WDR25: variants seen among roughly 807,000 people sequenced by gnomAD.
WDR25 encodes the protein WD repeat domain 25, also known as WD repeat-containing protein 25.
Under a neutral mutation model 47.7 loss-of-function variants are expected in WDR25, and 35 were observed. That is an observed-to-expected ratio of 0.73 (90% CI 0.56 to 0.97). The LOEUF is 0.97. WDR25 is among the 50% of genes least tolerant of loss of function. The pLI, the probability that WDR25 is intolerant of heterozygous loss-of-function variation, is 0.00. For synonymous variants in WDR25, 248 were observed against 278.9 expected (o/e 0.89, Z 1.10); for missense variants, 634 against 704.7 (o/e 0.90, Z 1.14).
chr14:100,408,077 G>A (rs1369758373), intron 2 of WDR25, among the ~76,000 whole-genome samples: 7 of 152,120 alleles, frequency 4.6e-5, no homozygotes, highest in Non-Finnish European at 2.9e-5. Flanking sequence ...TAGTCGTGGG[G>A]GCTTGGGGAC....
intron 2 of WDR25, among the ~76,000 whole-genome samples, chr14:100,417,918 T>A (rs1897915002): frequency 6.6e-6 from 1 of 151,956 alleles, no homozygotes; most frequent in African/African-American, 2.4e-5. Context: ...TAGGTTCTCA[T>A]GAAGGTTGTT....
chr14:100,393,467 C>G (rs1420331470), intron 2 of WDR25, among the ~76,000 whole-genome samples: 1 of 152,150 alleles, frequency 6.6e-6, no homozygotes, highest in African/African-American at 2.4e-5. Context: ...CCTGGGTGTC[C>G]TGCTGTGTTG....
At chr14:100,461,166 T>C (rs1021154334) in intron 2 of WDR25, among the ~76,000 whole-genome samples, 2 of 152,108 alleles carry the variant, frequency 1.3e-5, no homozygotes, top group Non-Finnish European at 2.9e-5. Flanking sequence ...CAGTGAACTG[T>C]GATCGCACCA....
At chr14:100,434,443 G>C (rs1195840680) in intron 2 of WDR25, among the ~76,000 whole-genome samples, 2 of 152,220 alleles carry the variant, frequency 1.3e-5, no homozygotes, top group African/African-American at 4.8e-5. Context: ...AAGAGGTCTA[G>C]TGATCAGAAT....
chr14:100,390,680 A>G (rs1027342142), intron 2 of WDR25, among the ~76,000 whole-genome samples: 2 of 152,084 alleles, frequency 1.3e-5, no homozygotes, highest in African/African-American at 2.4e-5. Flanking sequence ...TGCACTCTCC[A>G]TCCTGTCCTC....
At chr14:100,456,786 G>A (rs566347955) in intron 2 of WDR25, among the ~76,000 whole-genome samples, 2 of 152,246 alleles carry the variant, frequency 1.3e-5, no homozygotes, top group East Asian at 1.9e-4. Context: ...TGAAAGTGGA[G>A]TCCTCAAAGA....
intron 2 of WDR25, among the ~76,000 whole-genome samples, chr14:100,433,967 T>G (rs980286745): frequency 1.3e-5 from 2 of 151,908 alleles, no homozygotes. Context: ...GGCTCATGCC[T>G]GTAATCCCAG....
rs1466060536 is a variant in WDR25, at chr14:100,500,951, A to T, written c.1101+16827A>T. Among the ~76,000 whole-genome samples the T allele has an allele frequency of 6.6e-6, 1 of 152,188 alleles. No homozygotes were observed. The highest frequency in any genetic ancestry group is 1.5e-5 in the Non-Finnish European group (1 of 68,026). ...ATGTGTTTTGTATCTGTAATTTAAA[A>T]TTTCACAGTCTTCAACATGACAGTT... is the stretch of plus-strand genomic sequence containing the variant. On this transcript the variant is annotated intron_variant, in intron 4 of 6. Transcript: ENST00000402312. The surrounding 1 kb of genome is among the most constrained non-coding windows in gnomAD (Gnocchi z 4.7).
intron 5 of WDR25, among the ~76,000 whole-genome samples, chr14:100,527,315 C>A (rs1166779580): frequency 6.6e-6 from 1 of 151,838 alleles, no homozygotes; most frequent in Non-Finnish European, 1.5e-5. Flanking sequence ...GTTATCATCA[C>A]CACCACCACC....
chr14:100,482,340 G>A (rs938657851), intron 3 of WDR25, among the ~76,000 whole-genome samples: 2 of 152,120 alleles, frequency 1.3e-5, no homozygotes, highest in Admixed American at 6.5e-5. Context: ...ATTTCAGAGA[G>A]GTTCATTGAT....
chr14:100,420,152 G>A (rs1473429946), intron 2 of WDR25, among the ~76,000 whole-genome samples: 2 of 152,240 alleles, frequency 1.3e-5, no homozygotes, highest in African/African-American at 4.8e-5. Flanking sequence ...GGAAGCTACT[G>A]TCTCCTGGGC....
intron 2 of WDR25, among the ~76,000 whole-genome samples, chr14:100,396,261 C>A (rs1034646083): frequency 1.3e-5 from 2 of 152,208 alleles, no homozygotes; most frequent in Non-Finnish European, 2.9e-5. Flanking sequence ...CAGGCGTGAA[C>A]CACTGCGCCC....
intron 4 of WDR25, among the ~76,000 whole-genome samples, chr14:100,521,634 T>C (rs1343667804): frequency 6.6e-6 from 1 of 152,242 alleles, no homozygotes; most frequent in Non-Finnish European, 1.5e-5. Context: ...ATTAATGTAC[T>C]AGAGTTTATT....
chr14:100,392,907 G>A lies in WDR25; in HGVS notation c.822+11161G>A, dbSNP rs1164966348. Among the ~76,000 whole-genome samples, 17 of 152,236 alleles carry A rather than the reference G, an allele frequency of 1.1e-4. No homozygotes were observed. Among genetic ancestry groups the A allele is most frequent in the Admixed American group, 1.1e-3 (17 of 15,286 alleles). On this transcript the variant is annotated intron_variant, in intron 2 of 6. Coordinates refer to ENST00000402312, the MANE Select transcript of WDR25 (RefSeq NM_001161476.3). The surrounding 1 kb of genome is among the most constrained non-coding windows in gnomAD (Gnocchi z 4.2). Reference sequence around the variant, plus strand: ...AGTGGGACTGCTGGGTCAAAGGGTTGTACATTTTCATGGGTCCAGATACGT... The same window carrying A: ...AGTGGGACTGCTGGGTCAAAGGGTTATACATTTTCATGGGTCCAGATACGT...
At chr14:100,453,143 G>A (rs936428069) in intron 2 of WDR25, among the ~76,000 whole-genome samples, 5 of 152,294 alleles carry the variant, frequency 3.3e-5, no homozygotes, top group Admixed American at 2.0e-4. Flanking sequence ...AACTCACCAC[G>A]AGACAACCTA....
intron 2 of WDR25, 125 bp downstream of exon 2, chr14:100,381,871 T>A (rs752849370): frequency 6.1e-5 from 50 of 815,252 alleles, no homozygotes; most frequent in Middle Eastern, 2.5e-4. Flanking sequence ...TAATTCCCTT[T>A]GTTGCATTCC....
chr14:100,445,107 C>T (rs1031653509), intron 2 of WDR25, among the ~76,000 whole-genome samples: 1 of 152,188 alleles, frequency 6.6e-6, no homozygotes, highest in African/African-American at 2.4e-5. Context: ...ACCAGGCACC[C>T]TCTCACTCAC....
rs546255216 is a variant in WDR25 at position 100,456,684 on chromosome 14, C to G, written c.823-11337C>G. The stretch of plus-strand genomic sequence containing the variant: ...GCGAACTTGAAGTCATAGAAGCTAT[C>G]CAAAGTGAAATACAGGGAACAAAAA... On this transcript the variant is annotated intron_variant, in intron 2 of 6. Transcript: ENST00000402312. Among the ~76,000 whole-genome samples, 32 of 152,178 alleles carry G rather than the reference C, an allele frequency of 2.1e-4. No homozygotes were observed. In the South Asian group the frequency reaches 6.6e-3, roughly 32 times the overall value.
At chr14:100,493,426 G>A (rs957143368) in intron 4 of WDR25, among the ~76,000 whole-genome samples, 1 of 151,568 alleles carries the variant, frequency 6.6e-6, no homozygotes, top group Non-Finnish European at 1.5e-5. Context: ...CATTCACATT[G>A]TAGCCTATAT....
Sources: allele counts gnomAD v4.1 joint callset (sites outside exome capture counted in the v4.1 genomes callset), GRCh38; gene constraint gnomAD v4.1.1; non-coding constraint Gnocchi (gnomAD v3.1); transcripts MANE v1.5; gene names NCBI Gene and HGNC (gene_info 2026-07-23, HGNC 2026-07-21).